The following CNGB3 variants were observed in gnomAD, a reference collection of about 807,000 sequenced individuals.
CNGB3 encodes the protein cyclic nucleotide gated channel subunit beta 3.
Under a neutral mutation model 92.8 loss-of-function variants are expected in CNGB3, and 86 were observed. The ratio of observed to expected loss-of-function variants is 0.93; its 90% confidence interval spans 0.78 to 1.11. The LOEUF (loss-of-function observed/expected upper bound fraction) is 1.11, where lower values mean the gene tolerates loss of function less well. Ranked by LOEUF, CNGB3 falls within the 50% of genes least tolerant of loss-of-function variation. CNGB3 has a pLI of 0.00. For synonymous variants in CNGB3, 333 were observed against 332.7 expected, an observed-to-expected ratio of 1.00 and a Z score of -0.01; for missense variants, 1,026 against 956.8, an observed-to-expected ratio of 1.07 and a Z score of -0.95.
At chr8:86,740,417 A>G (rs1269731719) in intron 1 of CNGB3, among the ~76,000 whole-genome samples, 1 of 152,214 alleles carries the variant, frequency 6.6e-6, no homozygotes, top group African/African-American at 2.4e-5. Context: ...AAGAAAGGAA[A>G]CTATTCCAAA....
At chr8:86,680,403 G>A (rs554302642) in intron 3 of CNGB3, among the ~76,000 whole-genome samples, 43 of 152,292 alleles carry the variant, frequency 2.8e-4, no homozygotes, top group Non-Finnish European at 4.7e-4. Flanking sequence ...CACAGGAGAC[G>A]TTCATTGCAA....
At chr8:86,619,174 T>C (rs992694676) in intron 13 of CNGB3, among the ~76,000 whole-genome samples, 1 of 152,254 alleles carries the variant, frequency 6.6e-6, no homozygotes, top group African/African-American at 2.4e-5. Context: ...GCGATTCTAA[T>C]GCACGCCACT....
Position 86,606,609 on chromosome 8 carries a change from C to T in CNGB3, c.1663-2398G>A, listed in dbSNP as rs147694972. ...AAATCATTACATTATCTGACATTTA[C>T]ATAGCTCCTTATTTTAATTCCTATA... On this transcript the variant is annotated intron_variant, in intron 14 of 17. Coordinates refer to ENST00000320005, the MANE Select transcript of CNGB3 (RefSeq NM_019098.5). Among the ~76,000 whole-genome samples the T allele has an allele frequency of 6.7e-3, 1,024 of 152,278 alleles. 11 individuals are homozygous for T. Among genetic ancestry groups the T allele is most frequent in the African/African-American group, 0.023 (961 of 41,562 alleles).
intron 3 of CNGB3, among the ~76,000 whole-genome samples, chr8:86,725,820 A>G (rs1825052793): frequency 6.6e-6 from 1 of 152,186 alleles, no homozygotes; most frequent in South Asian, 2.1e-4. Flanking sequence ...ATTAAATAAG[A>G]ATATGCTTTT....
Position 86,586,556 on chromosome 8 carries a change from A to C in CNGB3, c.1782-7304T>G, listed in dbSNP as rs1272679096. Among the ~76,000 whole-genome samples, 15 of 144,126 alleles carry C rather than the reference A, an allele frequency of 1.0e-4. No homozygotes were observed. In the Admixed American group the frequency reaches 1.1e-3, roughly 11 times the overall value. The allele number at this position is 144,126 out of a possible 152,430, so 94.6% of individuals were successfully genotyped here. Reference sequence around the variant, plus strand: ...CTGTGTCCATGTGATCTCATTGTTCAATTCCCACCTATGAGTGAGAATATG... The same window carrying C: ...CTGTGTCCATGTGATCTCATTGTTCCATTCCCACCTATGAGTGAGAATATG... On this transcript the variant is annotated intron_variant, in intron 15 of 17. Coordinates refer to ENST00000320005, the MANE Select transcript of CNGB3 (RefSeq NM_019098.5).
intron 3 of CNGB3, chr8:86,704,423 A>G (rs1192223642): frequency 1.3e-5 from 2 of 152,218 alleles, no homozygotes; most frequent in African/African-American, 4.8e-5. Flanking sequence ...GATTGTGTTT[A>G]TGATGGGAAC....
intron 1 of CNGB3, among the ~76,000 whole-genome samples, chr8:86,742,089 G>A (rs958850973): frequency 1.3e-5 from 2 of 152,174 alleles, no homozygotes; most frequent in African/African-American, 4.8e-5. Context: ...CTAGAAAAGG[G>A]CTTAGCACCT....
chr8:86,586,294 A>AGAATATT (rs1482733326), intron 15 of CNGB3, among the ~76,000 whole-genome samples: 1 of 151,828 alleles, frequency 6.6e-6, no homozygotes, highest in East Asian at 1.9e-4. Context: ...ATTACTACTA[A>AGAATATT]GAATATTGTA....
At chr8:86,663,897 A>G (rs531235437) in intron 6 of CNGB3, among the ~76,000 whole-genome samples, 1 of 152,308 alleles carries the variant, frequency 6.6e-6, no homozygotes, top group East Asian at 1.9e-4. Flanking sequence ...TCTTGGTTTT[A>G]ACACTTCATT....
In CNGB3 at chr8:86,716,297, A is replaced by T. The variant is rs190335763; in HGVS notation, c.338+10234T>A. The stretch of plus-strand genomic sequence containing the variant: ...AGAAATCTAAAAGTTTGGAGAATAT[A>T]TTTGAGGGAATAATTCAGGAAAACT... On this transcript the variant is annotated intron_variant, in intron 3 of 17. Coordinates refer to ENST00000320005, the MANE Select transcript of CNGB3 (RefSeq NM_019098.5). Among the ~76,000 whole-genome samples the T allele has an allele frequency of 3.0e-3, 463 of 152,364 alleles. 3 individuals are homozygous for T. The highest frequency in any genetic ancestry group is 0.011 in the African/African-American group (451 of 41,590).
At chr8:86,684,149 A>C (rs1563753323) in intron 3 of CNGB3, among the ~76,000 whole-genome samples, 1 of 152,180 alleles carries the variant, frequency 6.6e-6, no homozygotes. Flanking sequence ...ATTCAACAGC[A>C]AAATACCAAA....
At chr8:86,667,936 A>T in intron 5 of CNGB3, 83 bp downstream of exon 5, 3 of 1,429,644 alleles carry the variant, frequency 2.1e-6, no homozygotes, top group Non-Finnish European at 3.0e-6. Context: ...TAAGGAAAAT[A>T]GAAGCTATCT....
intron 6 of CNGB3, chr8:86,657,894 G>C (rs974086977): frequency 1.1e-5 from 6 of 544,460 alleles, no homozygotes; most frequent in Non-Finnish European, 2.2e-5. Flanking sequence ...GGGTTCAGAC[G>C]CTGGGACCCC....
intron 3 of CNGB3, among the ~76,000 whole-genome samples, chr8:86,714,012 T>C (rs930845683): frequency 3.9e-5 from 6 of 152,154 alleles, no homozygotes; most frequent in South Asian, 4.1e-4. Flanking sequence ...TACACCTGCA[T>C]TGACACATCA....
intron 10 of CNGB3, among the ~76,000 whole-genome samples, chr8:86,643,097 TACAC>T (rs3077207): frequency 6.7e-6 from 1 of 149,010 alleles, no homozygotes; most frequent in African/African-American, 2.4e-5. Flanking sequence ...CAACTCAGGA[TACAC>T]ACACACACAC....
At chr8:86,722,379 A>G (rs1299846693) in intron 3 of CNGB3, among the ~76,000 whole-genome samples, 1 of 152,198 alleles carries the variant, frequency 6.6e-6, no homozygotes, top group African/African-American at 2.4e-5. Flanking sequence ...CACAGGGGTG[A>G]ACCCTGTGTC....
rs1467495713 is a variant in CNGB3, at chr8:86,579,066, C to G, written c.1928+40G>C. 5 of 1,613,690 alleles carry G rather than the reference C, an allele frequency of 3.1e-6. No individual in the cohort carries two copies. In the East Asian group the frequency reaches 1.1e-4, roughly 36 times the overall value. On this transcript the variant is annotated intron_variant, in intron 16 of 17. Transcript: ENST00000320005. ...CTATCTCAGAGTTTACAAAGTAAAA[C>G]CAACTCCATCCATCTCTAATGGTGT... is the stretch of plus-strand genomic sequence containing the variant.
At chr8:86,603,592 G>A (rs951988630) in intron 15 of CNGB3, among the ~76,000 whole-genome samples, 17 of 152,144 alleles carry the variant, frequency 1.1e-4, no homozygotes, top group African/African-American at 3.6e-4. Flanking sequence ...TTTAAGATAT[G>A]TTCTATTATT....
At chr8:86,692,229 A>T (rs1824333420) in intron 3 of CNGB3, among the ~76,000 whole-genome samples, 1 of 152,166 alleles carries the variant, frequency 6.6e-6, no homozygotes, top group Non-Finnish European at 1.5e-5. Flanking sequence ...TTCTGTAAAT[A>T]TCTATAAAGT....
Sources: allele counts gnomAD v4.1 joint callset (sites outside exome capture counted in the v4.1 genomes callset), GRCh38; gene constraint gnomAD v4.1.1; transcripts MANE v1.5; gene names NCBI Gene and HGNC (gene_info 2026-07-23, HGNC 2026-07-21).